SGCZ: variants seen among roughly 807,000 people sequenced by gnomAD.
SGCZ encodes zeta-sarcoglycan.
SGCZ carries 40 observed loss-of-function variants against 41.3 expected under a neutral mutation model. That is an observed-to-expected ratio of 0.97 (90% confidence interval 0.75 to 1.26). The LOEUF is 1.26. SGCZ is among the 50% of genes most tolerant of loss of function. The pLI is 0.00. For missense variants in SGCZ, 552 were observed against 369.8 expected (o/e 1.49, Z -4.04); for synonymous variants, 206 against 137.5 (o/e 1.50, Z -3.49).
intron 1 of SGCZ, among the ~76,000 whole-genome samples, chr8:15,047,045 C>G (rs1463390260): frequency 6.6e-6 from 1 of 151,966 alleles, no homozygotes; most frequent in Non-Finnish European, 1.5e-5. Context: ...TGTAAATGTA[C>G]TCTGTCCTTT....
chr8:14,131,740 T>G (rs1253069389), intron 5 of SGCZ, among the ~76,000 whole-genome samples: 1 of 152,194 alleles, frequency 6.6e-6, no homozygotes, highest in South Asian at 2.1e-4. Flanking sequence ...AACATTTTAG[T>G]CAGCAACAGA....
chr8:15,149,436 A>G (rs1413352912), intron 1 of SGCZ, among the ~76,000 whole-genome samples: 1 of 152,128 alleles, frequency 6.6e-6, no homozygotes, highest in Non-Finnish European at 1.5e-5. Flanking sequence ...CCAGTTCAGC[A>G]GTGGCAAGTT....
At chr8:14,108,081 G>A (rs1802260851) in intron 6 of SGCZ, 82 bp downstream of exon 6, 2 of 1,126,948 alleles carry the variant, frequency 1.8e-6, no homozygotes, top group East Asian at 4.8e-5. Context: ...CATTTGTCTA[G>A]TTGTCTATTT....
intron 1 of SGCZ, among the ~76,000 whole-genome samples, chr8:15,145,242 G>T (rs1799006871): frequency 6.6e-6 from 1 of 152,144 alleles, no homozygotes; most frequent in South Asian, 2.1e-4. Context: ...CTGATCAACT[G>T]TTAAATTAGG....
chr8:14,475,042 A>G (rs1411351438), intron 2 of SGCZ, among the ~76,000 whole-genome samples: 1 of 152,184 alleles, frequency 6.6e-6, no homozygotes, highest in Non-Finnish European at 1.5e-5. Context: ...GGACTTATCC[A>G]ATGAGTTATT....
At chr8:14,845,998 T>C (rs984988481) in intron 1 of SGCZ, among the ~76,000 whole-genome samples, 7 of 152,130 alleles carry the variant, frequency 4.6e-5, no homozygotes, top group Non-Finnish European at 1.0e-4. Context: ...CATTATAAGC[T>C]TAAACATGTA....
intron 2 of SGCZ, among the ~76,000 whole-genome samples, chr8:14,541,478 C>T (rs1025432884): frequency 1.3e-5 from 2 of 151,998 alleles, no homozygotes; most frequent in African/African-American, 4.8e-5. Flanking sequence ...TGAACTCATT[C>T]TTTTTTATGG....
intron 2 of SGCZ, among the ~76,000 whole-genome samples, chr8:14,461,547 C>T (rs1385182442): frequency 2.0e-5 from 3 of 151,986 alleles, no homozygotes; most frequent in South Asian, 2.1e-4. Flanking sequence ...TTGATTTGAC[C>T]ATTAGCTTGA....
intron 1 of SGCZ, among the ~76,000 whole-genome samples, chr8:14,668,146 A>T (rs965988171): frequency 2.0e-5 from 3 of 152,066 alleles, no homozygotes; most frequent in Non-Finnish European, 2.9e-5. Context: ...TTTAGTAGAG[A>T]CGGGGGATTC....
chr8:14,913,768 C>T (rs1799346580), intron 1 of SGCZ, among the ~76,000 whole-genome samples: 2 of 151,236 alleles, frequency 1.3e-5, no homozygotes, highest in Admixed American at 1.3e-4. Flanking sequence ...AATTACCAGT[C>T]ACAAATCAAT....
At chr8:14,159,445 G>C (rs1803976216) in intron 5 of SGCZ, among the ~76,000 whole-genome samples, 1 of 152,128 alleles carries the variant, frequency 6.6e-6, no homozygotes, top group Non-Finnish European at 1.5e-5. Flanking sequence ...TGTGAAGATG[G>C]CATTCTTTAT....
chr8:14,428,472 ATAT>A (rs1484448854), intron 2 of SGCZ, among the ~76,000 whole-genome samples: 1 of 152,132 alleles, frequency 6.6e-6, no homozygotes, highest in African/African-American at 2.4e-5. Context: ...CTGTGGTGGT[ATAT>A]TATTTTTAAA....
intron 2 of SGCZ, among the ~76,000 whole-genome samples, chr8:14,493,355 CTTTCT>C (rs1801897839): frequency 1.5e-5 from 1 of 66,242 alleles, no homozygotes; most frequent in African/African-American, 6.0e-5. Flanking sequence ...CACTATCATC[CTTTCT>C]TTTTTTTTTT....
intron 1 of SGCZ, among the ~76,000 whole-genome samples, chr8:14,595,210 C>A (rs571037363): frequency 6.6e-6 from 1 of 152,256 alleles, no homozygotes; most frequent in African/African-American, 2.4e-5. Context: ...ATCCACTACT[C>A]TTTATGTAAA....
intron 2 of SGCZ, among the ~76,000 whole-genome samples, chr8:14,462,943 A>G (rs1800944237): frequency 6.6e-6 from 1 of 151,494 alleles, no homozygotes; most frequent in Non-Finnish European, 1.5e-5. Context: ...ATTATTTCTG[A>G]TGCTATTGTA....
chr8:15,206,006 G>A (rs1160872373), intron 1 of SGCZ, among the ~76,000 whole-genome samples: 1 of 152,142 alleles, frequency 6.6e-6, no homozygotes, highest in African/African-American at 2.4e-5. Flanking sequence ...AATATTGCAT[G>A]TTCTTACTGG....
chr8:14,968,715 A>G (rs1447579597), intron 1 of SGCZ, among the ~76,000 whole-genome samples: 1 of 152,110 alleles, frequency 6.6e-6, no homozygotes, highest in Non-Finnish European at 1.5e-5. Context: ...TTCTAAGCTG[A>G]GTGTTTAAAG....
At chr8:14,308,936 A>G in intron 3 of SGCZ, 1 of 562,184 alleles carries the variant, frequency 1.8e-6, no homozygotes, top group Non-Finnish European at 3.2e-6. Flanking sequence ...GTAGACTAAC[A>G]AAGTGTAAGC....
chr8:14,563,135 C>T (rs1043514422), intron 1 of SGCZ, among the ~76,000 whole-genome samples: 12 of 152,114 alleles, frequency 7.9e-5, no homozygotes, highest in African/African-American at 2.9e-4. Context: ...TACTGAGTGT[C>T]GCCTCCTCCA....
Sources: gnomAD v4.1 joint callset for allele counts (sites outside exome capture counted in the v4.1 genomes callset) on GRCh38, gnomAD v4.1.1 for gene constraint, MANE v1.5 for transcripts, NCBI Gene and HGNC (gene_info 2026-07-23, HGNC 2026-07-21) for gene names.